Variants in ZNG1F observed in about 807,000 individuals in gnomAD.
The protein encoded by ZNG1F is Zn regulated GTPase metalloprotein activator 1F.
the ZNG1F span, among the ~76,000 whole-genome samples, chr9:41,203,227 T>G: frequency 6.6e-6 from 1 of 152,180 alleles, no homozygotes; most frequent in Admixed American, 6.6e-5. Context: ...ATGCAGTTAA[T>G]AAGTACCTGA....
the ZNG1F span, among the ~76,000 whole-genome samples, chr9:41,183,136 G>A: frequency 7.6e-6 from 1 of 131,812 alleles, no homozygotes; most frequent in African/African-American, 2.9e-5. Flanking sequence ...AACTCTTCTA[G>A]GGTCTATGGT....
chr9:41,150,279 G>A, the ZNG1F span, among the ~76,000 whole-genome samples: 38 of 150,218 alleles, frequency 2.5e-4, no homozygotes, highest in East Asian at 5.9e-3. Flanking sequence ...TTAAAAAACC[G>A]CGCACCAGGA....
the ZNG1F span, chr9:41,183,445 T>C: frequency 8.8e-7 from 1 of 1,136,060 alleles, no homozygotes; most frequent in Non-Finnish European, 1.2e-6. Flanking sequence ...TCTATTTGTT[T>C]GAAAATACAA....
At chr9:41,157,604 C>A in the ZNG1F span, 5 of 145,294 alleles carry the variant, frequency 3.4e-5, no homozygotes, top group Admixed American at 6.9e-5. Context: ...GTTAAATTTT[C>A]TTACAAGGAA....
chr9:41,196,247 G>T, the ZNG1F span: 6 of 38,804 alleles, frequency 1.5e-4, 2 homozygotes, highest in African/African-American at 3.4e-4. Flanking sequence ...TTCCAAGATG[G>T]TATCTCAAAA....
the ZNG1F span, chr9:41,183,453 C>A: frequency 4.2e-6 from 5 of 1,196,490 alleles, no homozygotes; most frequent in South Asian, 1.6e-5. Context: ...TTTGAAAATA[C>A]AATGAAGCAA....
At chr9:41,150,281 G>T in the ZNG1F span, among the ~76,000 whole-genome samples, 1 of 149,926 alleles carries the variant, frequency 6.7e-6, no homozygotes, top group Non-Finnish European at 1.5e-5. Flanking sequence ...AAAAAACCGC[G>T]CACCAGGAGA....
At chr9:41,137,275 T>C in the ZNG1F span, among the ~76,000 whole-genome samples, 2 of 149,364 alleles carry the variant, frequency 1.3e-5, no homozygotes, top group East Asian at 2.0e-4. Context: ...TGTATCTGCA[T>C]GGTTTTGAAG....
the ZNG1F span, among the ~76,000 whole-genome samples, chr9:41,175,465 CA>C: frequency 6.8e-6 from 1 of 147,000 alleles, no homozygotes; most frequent in Non-Finnish European, 1.5e-5. Context: ...ACTGAATTGC[CA>C]ATAAGAATTC....
the ZNG1F span, chr9:41,145,474 C>T: frequency 2.5e-4 from 121 of 484,634 alleles, 3 homozygotes; most frequent in South Asian, 2.1e-3. Context: ...ACAAGTTGTT[C>T]GCAAATTCCA....
chr9:41,155,164 A>G, the ZNG1F span, among the ~76,000 whole-genome samples: 1 of 151,486 alleles, frequency 6.6e-6, no homozygotes, highest in African/African-American at 2.4e-5. Flanking sequence ...ACAAGAAAAA[A>G]GCAAACAACC....
At chr9:41,184,405 TCCAG>T in the ZNG1F span, among the ~76,000 whole-genome samples, 1 of 117,364 alleles carries the variant, frequency 8.5e-6, no homozygotes, top group African/African-American at 3.0e-5. Context: ...GCCACTGCAC[TCCAG>T]CCTGGGCAAC....
chr9:41,145,513 T>C, the ZNG1F span: 2 of 666,132 alleles, frequency 3.0e-6, no homozygotes, highest in Non-Finnish European at 4.8e-6. Flanking sequence ...ATTAAGTTTT[T>C]TTAAAATTTC....
the ZNG1F span, among the ~76,000 whole-genome samples, chr9:41,185,563 C>T: frequency 6.7e-6 from 1 of 149,342 alleles, no homozygotes; most frequent in Non-Finnish European, 1.5e-5. Flanking sequence ...GTCCCAGCTA[C>T]TCGGGAGGCT....
the ZNG1F span, among the ~76,000 whole-genome samples, chr9:41,140,253 A>G: frequency 2.2e-5 from 3 of 133,954 alleles, no homozygotes; most frequent in Non-Finnish European, 4.8e-5. Context: ...CACCTAAGCT[A>G]TGCTGTATAG....
the ZNG1F span, among the ~76,000 whole-genome samples, chr9:41,139,199 A>G: frequency 7.4e-6 from 1 of 135,556 alleles, no homozygotes. Flanking sequence ...CCCTTTTCCT[A>G]TGGATGTGGC....
At chr9:41,195,508 G>A in the ZNG1F span, among the ~76,000 whole-genome samples, 1 of 125,998 alleles carries the variant, frequency 7.9e-6, no homozygotes, top group East Asian at 2.4e-4. Context: ...AAGTAACATT[G>A]TTTGAATTCA....
the ZNG1F span, among the ~76,000 whole-genome samples, chr9:41,144,541 C>T: frequency 6.9e-6 from 1 of 144,146 alleles, no homozygotes; most frequent in African/African-American, 2.6e-5. Flanking sequence ...TAAATGTGAA[C>T]CAAAATGAAT....
At chr9:41,193,006 G>A in the ZNG1F span, among the ~76,000 whole-genome samples, 1 of 151,646 alleles carries the variant, frequency 6.6e-6, no homozygotes, top group African/African-American at 2.4e-5. Context: ...CATCTGATAG[G>A]CACTGTGTTA....
Sources: allele counts gnomAD v4.1 joint callset (sites outside exome capture counted in the v4.1 genomes callset), GRCh38; gene constraint gnomAD v4.1.1; transcripts MANE v1.5; gene names NCBI Gene and HGNC (gene_info 2026-07-23, HGNC 2026-07-21).